Variants in SOX5 observed in about 807,000 individuals in gnomAD.
SOX5 encodes transcription factor SOX-5.
A neutral mutation model predicts 92.0 loss-of-function variants in SOX5; 9 were observed. The ratio of observed to expected loss-of-function variants is 0.10; its 90% CI spans 0.06 to 0.17. The LOEUF (loss-of-function observed/expected upper bound fraction) is 0.17, where lower values mean the gene tolerates loss of function less well. Ranked by LOEUF, SOX5 falls within the 10% of genes least tolerant of loss-of-function variation. The probability of loss-of-function intolerance (pLI) is 1.00; values close to 1 mark genes in which losing one functional copy is unlikely to be tolerated. For missense variants in SOX5, 642 were observed against 944.5 expected, an observed-to-expected ratio of 0.68 and a Z score of 4.20; for synonymous variants, 344 against 336.3, an observed-to-expected ratio of 1.02 and a Z score of -0.25.
chr12:24,036,752 T>C (rs960269849), intron 4 of SOX5, among the ~76,000 whole-genome samples: 7 of 152,224 alleles, frequency 4.6e-5, no homozygotes, highest in East Asian at 1.9e-4. Flanking sequence ...CTACTCTCAA[T>C]ATTTCAGGAA....
At chr12:24,099,390 T>C (rs1441231257) in intron 4 of SOX5, among the ~76,000 whole-genome samples, 1 of 152,152 alleles carries the variant, frequency 6.6e-6, no homozygotes, top group Non-Finnish European at 1.5e-5. Flanking sequence ...TGCACTATGA[T>C]ATAATCCAAA....
intron 9 of SOX5, among the ~76,000 whole-genome samples, chr12:23,585,330 A>T (rs1950572099): frequency 6.6e-6 from 1 of 152,154 alleles, no homozygotes; most frequent in Non-Finnish European, 1.5e-5. Context: ...CCTGGGACTC[A>T]CTGCTTTCTA....
intron 1 of SOX5, among the ~76,000 whole-genome samples, chr12:24,539,919 G>A (rs1322320173): frequency 5.3e-5 from 8 of 152,034 alleles, no homozygotes; most frequent in South Asian, 4.2e-4. Context: ...AACCATATGC[G>A]TTCTTTACTG....
At chr12:23,556,610 C>T (rs921585439) in intron 11 of SOX5, among the ~76,000 whole-genome samples, 1 of 152,204 alleles carries the variant, frequency 6.6e-6, no homozygotes, top group Non-Finnish European at 1.5e-5. Flanking sequence ...AACATGCCTA[C>T]TTCCTTTATA....
intron 3 of SOX5, among the ~76,000 whole-genome samples, chr12:23,795,334 C>G (rs2095543892): frequency 6.6e-6 from 1 of 151,684 alleles, no homozygotes; most frequent in Non-Finnish European, 1.5e-5. Flanking sequence ...ATAAAAAATT[C>G]TGGCAACAGA....
At chr12:23,907,123 C>T (rs961250787) in intron 1 of SOX5, among the ~76,000 whole-genome samples, 1 of 152,006 alleles carries the variant, frequency 6.6e-6, no homozygotes, top group Non-Finnish European at 1.5e-5. Context: ...ATAAACCTGT[C>T]AGGCCTAAGT....
At chr12:23,594,940 C>G (rs1220078574) in intron 9 of SOX5, among the ~76,000 whole-genome samples, 1 of 152,132 alleles carries the variant, frequency 6.6e-6, no homozygotes, top group Non-Finnish European at 1.5e-5. Context: ...CCTTAAAGCT[C>G]TCTCCCAAGA....
At chr12:24,211,725 T>A (rs988694010) in intron 4 of SOX5, among the ~76,000 whole-genome samples, 1 of 152,226 alleles carries the variant, frequency 6.6e-6, no homozygotes, top group African/African-American at 2.4e-5. Context: ...TTACTAATGT[T>A]CCATGTGACA....
At chr12:23,705,676 G>C (rs2091295302) in intron 6 of SOX5, among the ~76,000 whole-genome samples, 1 of 152,040 alleles carries the variant, frequency 6.6e-6, no homozygotes. Context: ...CACCTTAACT[G>C]TGGCTCAGTG....
At chr12:24,043,037 A>G (rs1373962202) in intron 4 of SOX5, among the ~76,000 whole-genome samples, 1 of 152,184 alleles carries the variant, frequency 6.6e-6, no homozygotes, top group East Asian at 1.9e-4. Context: ...TGGGGCATAT[A>G]AAAATAATTG....
intron 4 of SOX5, among the ~76,000 whole-genome samples, chr12:23,959,846 T>G (rs996010531): frequency 5.9e-5 from 9 of 152,226 alleles, no homozygotes; most frequent in African/African-American, 2.2e-4. Context: ...ATTTTTTAAA[T>G]AAACTATCAG....
rs115866279 is a variant in SOX5, at chr12:24,113,716, T to C, written c.-2+99627A>G. Among the ~76,000 whole-genome samples, 1,273 of 152,252 alleles carry C rather than the reference T, an allele frequency of 8.4e-3. 16 individuals are homozygous for C. Among genetic ancestry groups the C allele is most frequent in the African/African-American group, 0.029 (1,189 of 41,540 alleles). ...ACAATGAAAGGGGCAAGAGAAAGAA[T>C]GACAAAGCAAAATCTAGAAAACTGC... On this transcript the variant is annotated intron_variant, in intron 4 of 4. Transcript: ENST00000446891.
chr12:24,323,487 C>CA (rs201455855), intron 2 of SOX5, among the ~76,000 whole-genome samples: 1,728 of 151,616 alleles, frequency 0.011, 35 homozygotes, highest in African/African-American at 0.04. Flanking sequence ...TAATGTCAAA[C>CA]AAAAAAAGCA....
intron 1 of SOX5, among the ~76,000 whole-genome samples, chr12:24,391,620 T>C (rs1164427446): frequency 6.6e-6 from 1 of 152,196 alleles, no homozygotes; most frequent in Non-Finnish European, 1.5e-5. Flanking sequence ...TCAAATGTTA[T>C]GATATATTAT....
At chr12:23,892,927 A>T (rs2097142720) in intron 2 of SOX5, among the ~76,000 whole-genome samples, 1 of 152,222 alleles carries the variant, frequency 6.6e-6, no homozygotes, top group Admixed American at 6.5e-5. Context: ...CTCTTGCTTT[A>T]GAGCCCAGGA....
upstream of SOX5, among the ~76,000 whole-genome samples, chr12:23,955,233 C>T (rs894370183): frequency 1.3e-5 from 2 of 151,958 alleles, no homozygotes; most frequent in Non-Finnish European, 2.9e-5. Flanking sequence ...TCTATGGTAA[C>T]CAAATGCCCA....
intron 6 of SOX5, among the ~76,000 whole-genome samples, chr12:23,671,246 T>C (rs967980927): frequency 3.3e-5 from 5 of 152,228 alleles, no homozygotes; most frequent in Admixed American, 1.3e-4. Flanking sequence ...GGCAGCTCTA[T>C]GGTTTATATC....
intron 3 of SOX5, among the ~76,000 whole-genome samples, chr12:24,277,015 C>A (rs1944510995): frequency 6.6e-6 from 1 of 152,048 alleles, no homozygotes; most frequent in Non-Finnish European, 1.5e-5. Context: ...ACATTACCAT[C>A]ATAATGAGTC....
At chr12:24,339,060 G>A (rs1400223907) in intron 2 of SOX5, among the ~76,000 whole-genome samples, 14 of 151,972 alleles carry the variant, frequency 9.2e-5, no homozygotes, top group Non-Finnish European at 1.9e-4. Context: ...GAACAAAGAA[G>A]CCAGCTTCCC....
Sources: gnomAD v4.1 joint callset for allele counts (sites outside exome capture counted in the v4.1 genomes callset) on GRCh38, gnomAD v4.1.1 for gene constraint, MANE v1.5 for transcripts, NCBI Gene and HGNC (gene_info 2026-07-23, HGNC 2026-07-21) for gene names.